KCND2: variants seen among roughly 807,000 people sequenced by gnomAD.
KCND2 encodes A-type voltage-gated potassium channel KCND2.
KCND2 carries 16 observed loss-of-function variants against 54.4 expected under a neutral mutation model. That is an observed-to-expected ratio of 0.29 (90% CI 0.20 to 0.45). The LOEUF (loss-of-function observed/expected upper bound fraction) is 0.45. Ranked by LOEUF, KCND2 falls within the 20% of genes least tolerant of loss-of-function variation. KCND2 has a pLI of 1.00. For synonymous variants in KCND2, 317 were observed against 310.7 expected, an observed-to-expected ratio of 1.02 and a Z score of -0.21; for missense variants, 486 against 824.2, an observed-to-expected ratio of 0.59 and a Z score of 5.02.
At chr7:120,432,424 C>G (rs999306145) in intron 1 of KCND2, among the ~76,000 whole-genome samples, 7 of 151,972 alleles carry the variant, frequency 4.6e-5, no homozygotes, top group African/African-American at 1.7e-4. Flanking sequence ...GTGGATAATG[C>G]TTAGTTTTGG....
intron 1 of KCND2, among the ~76,000 whole-genome samples, chr7:120,607,455 G>A (rs183065770): frequency 1.3e-5 from 2 of 151,944 alleles, no homozygotes; most frequent in Non-Finnish European, 2.9e-5. Context: ...TTATTTTCTG[G>A]TACTACCCAC....
chr7:120,602,579 A>G (rs1186623078), intron 1 of KCND2, among the ~76,000 whole-genome samples: 3 of 152,362 alleles, frequency 2.0e-5, no homozygotes, highest in Non-Finnish European at 4.4e-5. Flanking sequence ...AAAATGTTTT[A>G]TAGTATTTGG....
At chr7:120,613,361 T>A (rs1376032260) in intron 1 of KCND2, among the ~76,000 whole-genome samples, 1 of 151,988 alleles carries the variant, frequency 6.6e-6, no homozygotes, top group Non-Finnish European at 1.5e-5. Flanking sequence ...AAAACCCCGG[T>A]CTCTACTAAA....
intron 1 of KCND2, among the ~76,000 whole-genome samples, chr7:120,468,227 C>T (rs1802407066): frequency 6.6e-6 from 1 of 151,894 alleles, no homozygotes; most frequent in African/African-American, 2.4e-5. Flanking sequence ...CGTTTAAATC[C>T]CTCCAAATAT....
chr7:120,321,432 C>T (rs1799891967), intron 1 of KCND2, among the ~76,000 whole-genome samples: 1 of 151,986 alleles, frequency 6.6e-6, no homozygotes, highest in East Asian at 1.9e-4. Flanking sequence ...CTGCTCCTGG[C>T]CCAGGATTAT....
chr7:120,720,958 G>A (rs1193654140), intron 1 of KCND2, among the ~76,000 whole-genome samples: 1 of 152,182 alleles, frequency 6.6e-6, no homozygotes, highest in Non-Finnish European at 1.5e-5. Flanking sequence ...AGCATACGAA[G>A]AGAAGTAAGA....
At chr7:120,347,630 G>A (rs540925301) in intron 1 of KCND2, among the ~76,000 whole-genome samples, 5 of 151,994 alleles carry the variant, frequency 3.3e-5, no homozygotes, top group African/African-American at 7.2e-5. Flanking sequence ...GGTGTCGTGC[G>A]CCTGTAATCC....
intron 1 of KCND2, among the ~76,000 whole-genome samples, chr7:120,482,654 C>T (rs546660979): frequency 1.3e-5 from 2 of 152,184 alleles, no homozygotes; most frequent in South Asian, 4.1e-4. Context: ...AGCTCTCATG[C>T]GCTTGCTTCT....
chr7:120,293,603 A>G (rs1402140485), intron 1 of KCND2, among the ~76,000 whole-genome samples: 1 of 151,936 alleles, frequency 6.6e-6, no homozygotes, highest in Non-Finnish European at 1.5e-5. Flanking sequence ...TTGTTTGACC[A>G]GATTCATTTG....
intron 1 of KCND2, among the ~76,000 whole-genome samples, chr7:120,481,327 A>G (rs571992117): frequency 6.6e-6 from 1 of 152,338 alleles, no homozygotes; most frequent in South Asian, 2.1e-4. Flanking sequence ...ATAAAATGAG[A>G]TGAAGAAGAA....
At chr7:120,645,219 T>C (rs183276324) in intron 1 of KCND2, among the ~76,000 whole-genome samples, 3 of 152,336 alleles carry the variant, frequency 2.0e-5, no homozygotes, top group South Asian at 2.1e-4. Flanking sequence ...GGCCGCTTGA[T>C]AAATGGCATG....
chr7:120,430,132 C>G (rs765494701), intron 1 of KCND2, among the ~76,000 whole-genome samples: 1 of 152,142 alleles, frequency 6.6e-6, no homozygotes, highest in Admixed American at 6.5e-5. Context: ...TGTTTTTTCA[C>G]AGTTCTGAAG....
chr7:120,734,210 T>G (rs1562923468), intron 2 of KCND2, among the ~76,000 whole-genome samples: 1 of 152,098 alleles, frequency 6.6e-6, no homozygotes, highest in East Asian at 1.9e-4. Flanking sequence ...GTTGGCCCCC[T>G]TTGATTGGCC....
At chr7:120,632,601 G>GTCTGT (rs1418712337) in intron 1 of KCND2, among the ~76,000 whole-genome samples, 1 of 152,060 alleles carries the variant, frequency 6.6e-6, no homozygotes, top group East Asian at 1.9e-4. Context: ...CCTACACCAT[G>GTCTGT]TCTGTTTGTT....
intron 1 of KCND2, among the ~76,000 whole-genome samples, chr7:120,287,493 T>C (rs1179909538): frequency 6.6e-6 from 1 of 152,110 alleles, no homozygotes; most frequent in Non-Finnish European, 1.5e-5. Context: ...CACTGAAGAA[T>C]GCCCTCTCAG....
intron 1 of KCND2, among the ~76,000 whole-genome samples, chr7:120,510,710 G>A (rs748377415): frequency 6.6e-6 from 1 of 151,938 alleles, no homozygotes; most frequent in African/African-American, 2.4e-5. Context: ...GTAGCTGTGG[G>A]TATACTGATT....
chr7:120,385,469 C>A (rs563049013), intron 1 of KCND2, among the ~76,000 whole-genome samples: 1 of 152,118 alleles, frequency 6.6e-6, no homozygotes, highest in South Asian at 2.1e-4. Flanking sequence ...CAAGTCATCA[C>A]CAATCCATGT....
Position 120,554,483 on chromosome 7 carries a change from A to G in KCND2, c.1116-178420A>G, listed in dbSNP as rs376540379. On this transcript the variant is annotated intron_variant, in intron 1 of 5. Transcript: ENST00000331113. ...GAGTACAGTGGCGCGATCTCAGCTC[A>G]CTGCAAGCTCCGCCTCCCGGGTTCA... 4.7e-4 allele frequency among the ~76,000 whole-genome samples: 71 copies of G among 151,370 alleles called. 1 individual carries two copies. In the East Asian group the frequency reaches 9.8e-3, roughly 21 times the overall value.
intron 1 of KCND2, among the ~76,000 whole-genome samples, chr7:120,359,227 C>G (rs909621811): frequency 1.3e-5 from 2 of 152,138 alleles, no homozygotes; most frequent in Non-Finnish European, 2.9e-5. Flanking sequence ...GCTCTGTGCA[C>G]AATTTTTTTC....
Sources: gnomAD v4.1 joint callset for allele counts (sites outside exome capture counted in the v4.1 genomes callset) on GRCh38, gnomAD v4.1.1 for gene constraint, MANE v1.5 for transcripts, NCBI Gene and HGNC (gene_info 2026-07-23, HGNC 2026-07-21) for gene names.